Variants in ANKRD26 observed in about 807,000 individuals in gnomAD.
ANKRD26 encodes ankyrin repeat domain-containing protein 26.
ANKRD26 carries 141 observed loss-of-function variants against 208.7 expected under a neutral mutation model. That is an observed-to-expected ratio of 0.68 (90% CI 0.59 to 0.78). ANKRD26 has a LOEUF of 0.78. ANKRD26 is among the 30% of genes least tolerant of loss of function. The pLI, the probability that ANKRD26 is intolerant of heterozygous loss-of-function variation, is 0.00. For missense variants in ANKRD26, 1,889 were observed against 1,938.7 expected (o/e 0.97, Z 0.48); for synonymous variants, 636 against 660.4 (o/e 0.96, Z 0.57).
intron 5 of ANKRD26, among the ~76,000 whole-genome samples, chr10:26,980,541 C>T (rs1212166911): frequency 1.3e-5 from 2 of 152,214 alleles, no homozygotes; most frequent in Admixed American, 1.3e-4. Context: ...CAGCCTTTGA[C>T]CAGGTTTGAA....
Position 27,028,962 on chromosome 10 carries a change from A to G in ANKRD26, c.3879-17T>C, listed in dbSNP as rs1164208559. The G allele has an allele frequency of 5.7e-6, 9 of 1,569,080 alleles. No homozygotes were observed. The highest frequency in any genetic ancestry group is 7.9e-6 in the Non-Finnish European group (9 of 1,145,390). On this transcript the variant is annotated splice_polypyrimidine_tract_variant and intron_variant, in intron 26 of 33. Coordinates refer to ENST00000376087, the MANE Select transcript of ANKRD26 (RefSeq NM_014915.3). ...TTTTCAAGCCTGAAATGTATATTTT[A>G]AAATAATTATTCTCACAGATAAATT...
chr10:27,022,805 T>C (rs1408336945), intron 28 of ANKRD26, 118 bp from the exon 29 acceptor site: 1 of 954,470 alleles, frequency 1.0e-6, no homozygotes, highest in African/African-American at 1.7e-5. Context: ...GATTCTCTCG[T>C]TTATTTCAAT....
intron 33 of ANKRD26, 33 bp from the exon 34 acceptor site, chr10:27,005,756 C>A: frequency 2.5e-6 from 4 of 1,585,152 alleles, no homozygotes; most frequent in Non-Finnish European, 3.4e-6. Flanking sequence ...ATATTCCTTA[C>A]CTAAAAGATT....
At chr10:26,977,973 A>G (rs1035720005) in intron 5 of ANKRD26, among the ~76,000 whole-genome samples, 1 of 152,182 alleles carries the variant, frequency 6.6e-6, no homozygotes, top group Admixed American at 6.5e-5. Flanking sequence ...CAAATTCCCC[A>G]GGAATAAAGC....
intron 9 of ANKRD26, among the ~76,000 whole-genome samples, chr10:27,068,247 T>C (rs1415989443): frequency 2.0e-5 from 3 of 152,170 alleles, no homozygotes; most frequent in Non-Finnish European, 2.9e-5. Flanking sequence ...TCTCATGAGA[T>C]CTGATGGTTT....
At chr10:26,955,438 A>AT in the ANKRD26 span, among the ~76,000 whole-genome samples, 203 of 145,960 alleles carry the variant, frequency 1.4e-3, no homozygotes, top group Middle Eastern at 7.1e-3. Context: ...CAAAAAAAAA[A>AT]ATATATATAT....
At chr10:27,095,000 C>CA (rs752989150) in intron 1 of ANKRD26, among the ~76,000 whole-genome samples, 26,259 of 97,446 alleles carry the variant, frequency 0.27, 2,276 homozygotes, top group East Asian at 0.36. Context: ...ACCCTGTCTA[C>CA]AAAAAAAAAA....
chr10:27,022,715 C>G (rs1380531436), intron 28 of ANKRD26, 28 bp from the exon 29 acceptor site: 1 of 1,563,230 alleles, frequency 6.4e-7, no homozygotes, highest in Non-Finnish European at 8.7e-7. Context: ...ATGAGTAACT[C>G]AAGTTTTAAA....
intron 1 of ANKRD26, among the ~76,000 whole-genome samples, chr10:27,094,139 T>C (rs2056391531): frequency 6.6e-6 from 1 of 152,164 alleles, no homozygotes. Flanking sequence ...GTCAAGGACA[T>C]GTTTGCTTCT....
intron 13 of ANKRD26, among the ~76,000 whole-genome samples, chr10:27,060,881 C>T (rs1357430881): frequency 6.6e-6 from 1 of 152,072 alleles, no homozygotes; most frequent in South Asian, 2.1e-4. Flanking sequence ...AAATCATGAC[C>T]CTGAGAGGAG....
At chr10:26,981,997 C>G (rs898551752) in intron 4 of ANKRD26, among the ~76,000 whole-genome samples, 2 of 152,194 alleles carry the variant, frequency 1.3e-5, no homozygotes, top group Non-Finnish European at 2.9e-5. Context: ...TCCCAGACAT[C>G]CTCATGTTAA....
At chr10:27,079,210 CAA>C in intron 6 of ANKRD26, 49 bp from the exon 7 acceptor site, 1 of 1,524,606 alleles carries the variant, frequency 6.6e-7, no homozygotes, top group African/African-American at 1.4e-5. Context: ...TCTTTAAAAA[CAA>C]AACAAAAACC....
At position 27,017,753 on chromosome 10, in the gene ANKRD26, T is replaced by C. The variant is rs2053347819; in HGVS notation, c.4255A>G (p.Lys1419Glu). The change falls in exon 30 of 34, where the codon AAA (lysine) becomes GAA (glutamate). Residue 1419 changes from lysine (K) to glutamate (E), a missense_variant. Lys to Glu is a moderately conservative substitution (Grantham distance 56). Transcript: ENST00000376087. ...TTCTTTGTATCCAGATGTAGACATT[T>C]TGAACCTGCAGTCTCCAGTTCTGCT... ...LTAELETAGS[K>E]CLHLDTKNQI... 3 of 1,613,186 alleles carry C rather than the reference T, an allele frequency of 1.9e-6. No individual in the cohort carries two copies. Among genetic ancestry groups the C allele is most frequent in the South Asian group, 1.1e-5 (1 of 90,962 alleles).
At position 27,005,504 on chromosome 10, in the gene ANKRD26, T is replaced by C; in HGVS notation, c.*86A>G. On this transcript the variant is annotated 3_prime_UTR_variant, in exon 34 of 34. Transcript: ENST00000376087. ...TGACATATATGATACAAAAATACGT[T>C]CCTTTAATATTTTTACATGTCATAT... The C allele has an allele frequency of 6.4e-7, 1 of 1,550,840 alleles. No homozygotes were observed. Among genetic ancestry groups the C allele is most frequent in the East Asian group, 2.3e-5 (1 of 43,388 alleles).
intron 24 of ANKRD26, among the ~76,000 whole-genome samples, chr10:27,033,891 G>A (rs755889415): frequency 1.1e-4 from 16 of 152,086 alleles, no homozygotes; most frequent in African/African-American, 3.9e-4. Flanking sequence ...CCCTGACCTC[G>A]GCTGCTATGA....
the ANKRD26 span, among the ~76,000 whole-genome samples, chr10:26,950,221 T>C: frequency 3.0e-4 from 46 of 152,250 alleles, no homozygotes; most frequent in Non-Finnish European, 2.1e-4. Context: ...AGAGTTCTCA[T>C]GACATATGGT....
At chr10:26,973,845 C>T (rs1319871768), downstream of ANKRD26, among the ~76,000 whole-genome samples, 3 of 151,380 alleles carry the variant, frequency 2.0e-5, no homozygotes, top group East Asian at 1.9e-4. Flanking sequence ...TTAGTAGAGA[C>T]GGGGTTTCGC....
intron 9 of ANKRD26, among the ~76,000 whole-genome samples, chr10:27,068,157 T>C (rs2055334822): frequency 6.6e-6 from 1 of 152,330 alleles, no homozygotes; most frequent in African/African-American, 2.4e-5. Flanking sequence ...GTAATCCTCA[T>C]GTGTCAAGGG....
At chr10:27,095,016 AT>A (rs1447994154) in intron 1 of ANKRD26, among the ~76,000 whole-genome samples, 2 of 151,890 alleles carry the variant, frequency 1.3e-5, no homozygotes, top group Admixed American at 6.6e-5. Flanking sequence ...AAAAAAAAAA[AT>A]TAGAGATAAC....
Sources: gnomAD v4.1 joint callset for allele counts (sites outside exome capture counted in the v4.1 genomes callset) on GRCh38, gnomAD v4.1.1 for gene constraint, MANE v1.5 for transcripts, NCBI Gene and HGNC (gene_info 2026-07-23, HGNC 2026-07-21) for gene names.